MCC: variants seen among roughly 807,000 people sequenced by gnomAD.
MCC encodes MCC regulator of Wnt signaling pathway.
Under a neutral mutation model 116.2 loss-of-function variants are expected in MCC, and 90 were observed. That is an observed-to-expected ratio of 0.77 (90% confidence interval 0.65 to 0.92). MCC has a LOEUF of 0.92. Among genes scored for constraint, MCC ranks in the 40% least tolerant of loss-of-function variants. The probability of loss-of-function intolerance (pLI) is 0.00; values close to 1 mark genes in which losing one functional copy is unlikely to be tolerated. For missense variants in MCC, 1,516 were observed against 1,312.2 expected, an observed-to-expected ratio of 1.16 and a Z score of -2.40; for synonymous variants, 578 against 510.5, an observed-to-expected ratio of 1.13 and a Z score of -1.78.
At chr5:113,314,253 G>T (rs1767219346) in intron 3 of MCC, among the ~76,000 whole-genome samples, 1 of 152,134 alleles carries the variant, frequency 6.6e-6, no homozygotes, top group Non-Finnish European at 1.5e-5. Context: ...GCCTTTAATT[G>T]GAGTTTTAAA....
At chr5:113,203,960 G>T (rs1031934421) in intron 3 of MCC, among the ~76,000 whole-genome samples, 6 of 152,160 alleles carry the variant, frequency 3.9e-5, no homozygotes, top group African/African-American at 1.4e-4. Context: ...CAAATTTGAG[G>T]AGAGATGCCG....
chr5:113,257,857 G>C (rs547192801), intron 3 of MCC, among the ~76,000 whole-genome samples: 2 of 152,128 alleles, frequency 1.3e-5, no homozygotes, highest in Non-Finnish European at 2.9e-5. Context: ...AGGGGAAAGC[G>C]TTCTATCTAG....
At chr5:113,473,165 G>A (rs1772140218) in intron 1 of MCC, among the ~76,000 whole-genome samples, 1 of 152,122 alleles carries the variant, frequency 6.6e-6, no homozygotes, top group African/African-American at 2.4e-5. Context: ...GATAGCTTAT[G>A]AAAAGTAGAC....
intron 1 of MCC, among the ~76,000 whole-genome samples, chr5:113,479,965 C>G (rs144699732): frequency 2.0e-5 from 3 of 152,264 alleles, no homozygotes; most frequent in African/African-American, 4.8e-5. Flanking sequence ...ATGCTTATGT[C>G]ATGAGAATCT....
At chr5:113,085,887 G>A (rs560494923) in intron 8 of MCC, among the ~76,000 whole-genome samples, 9 of 152,194 alleles carry the variant, frequency 5.9e-5, no homozygotes, top group African/African-American at 1.4e-4. Flanking sequence ...ATAGAGTCTC[G>A]CTATGTTGCC....
chr5:113,244,551 A>G (rs2150340618), intron 3 of MCC, among the ~76,000 whole-genome samples: 1 of 152,340 alleles, frequency 6.6e-6, no homozygotes, highest in South Asian at 2.1e-4. Flanking sequence ...AACATTTCTA[A>G]ATACAACATT....
intron 11 of MCC, among the ~76,000 whole-genome samples, chr5:113,080,474 T>TA (rs1407721515): frequency 6.6e-6 from 1 of 152,000 alleles, no homozygotes; most frequent in Non-Finnish European, 1.5e-5. Flanking sequence ...TACTCAGCCA[T>TA]AAAAAAGGAT....
intron 2 of MCC, among the ~76,000 whole-genome samples, chr5:113,344,396 G>C (rs1391497788): frequency 6.6e-6 from 1 of 152,112 alleles, no homozygotes; most frequent in Admixed American, 6.5e-5. Flanking sequence ...AGATCCTAGT[G>C]CTGGGCTGGG....
Position 113,417,877 on chromosome 5 carries a change from G to C in MCC, c.171-32665C>G, listed in dbSNP as rs576092009. Among the ~76,000 whole-genome samples the C allele has an allele frequency of 8.6e-5, 13 of 151,868 alleles. No individual in the cohort carries two copies. In the South Asian group the frequency reaches 2.7e-3, roughly 32 times the overall value. ...GAGTCCGGGAGATCAAGGCTACAGT[G>C]AGCTGAGATAGTGCTACTGCACTCC... On this transcript the variant is annotated intron_variant, in intron 1 of 18. Transcript: ENST00000408903.
intron 1 of MCC, among the ~76,000 whole-genome samples, chr5:113,432,372 T>C (rs1219447609): frequency 6.6e-6 from 1 of 151,326 alleles, no homozygotes; most frequent in Non-Finnish European, 1.5e-5. Context: ...CTAACAGTGT[T>C]GGCTCGGAGC....
chr5:113,262,160 A>C (rs931282661), intron 3 of MCC, among the ~76,000 whole-genome samples: 1 of 152,122 alleles, frequency 6.6e-6, no homozygotes, highest in African/African-American at 2.4e-5. Flanking sequence ...CCCGAAACAA[A>C]TGCATCCTCT....
intron 6 of MCC, among the ~76,000 whole-genome samples, chr5:113,113,422 A>G (rs1192784439): frequency 6.6e-6 from 1 of 152,192 alleles, no homozygotes; most frequent in East Asian, 1.9e-4. Context: ...AGGGTTGAAC[A>G]CCAAAGAGAA....
At chr5:113,109,997 TC>T (rs1441417284) in intron 6 of MCC, among the ~76,000 whole-genome samples, 1 of 152,080 alleles carries the variant, frequency 6.6e-6, no homozygotes, top group Non-Finnish European at 1.5e-5. Flanking sequence ...CTTTTTTTTT[TC>T]TCCAGAGACA....
chr5:113,140,552 G>A (rs764648593), intron 5 of MCC, among the ~76,000 whole-genome samples: 1 of 152,196 alleles, frequency 6.6e-6, no homozygotes, highest in Admixed American at 6.5e-5. Flanking sequence ...AGGGATGGGA[G>A]TCTTTTAGGG....
rs1422784760 is a variant in MCC at position 113,348,262 on chromosome 5, A to G, written c.416-7532T>C. 3.3e-5 allele frequency among the ~76,000 whole-genome samples: 5 copies of G among 152,118 alleles called. No homozygotes were observed. In the East Asian group the frequency reaches 9.6e-4, roughly 29 times the overall value. On this transcript the variant is annotated intron_variant, in intron 2 of 18. Transcript: ENST00000408903. ...TTTCTTCAAGGTCTGTAGGATACAC[A>G]TTCTTCTCCTCAGCACACAGATCAT... is the stretch of plus-strand genomic sequence containing the variant.
chr5:113,203,745 T>C (rs1394178346), intron 3 of MCC, among the ~76,000 whole-genome samples: 1 of 152,216 alleles, frequency 6.6e-6, no homozygotes, highest in Non-Finnish European at 1.5e-5. Flanking sequence ...AAATAAAGGC[T>C]ACATGTGAAA....
intron 1 of MCC, among the ~76,000 whole-genome samples, chr5:113,487,897 T>C (rs1005688337): frequency 2.0e-5 from 3 of 152,166 alleles, no homozygotes; most frequent in Non-Finnish European, 4.4e-5. Context: ...CCCGAGGCTG[T>C]GGGGCAGCCC....
intron 1 of MCC, among the ~76,000 whole-genome samples, chr5:113,450,659 C>G (rs981967569): frequency 1.2e-4 from 19 of 152,152 alleles, no homozygotes; most frequent in African/African-American, 3.6e-4. Flanking sequence ...CTCTTTAGAG[C>G]TGATTTTGGA....
At chr5:113,437,738 A>G (rs532779497) in intron 1 of MCC, among the ~76,000 whole-genome samples, 34 of 152,280 alleles carry the variant, frequency 2.2e-4, no homozygotes, top group African/African-American at 7.7e-4. Flanking sequence ...GATTCTTTAG[A>G]TGCTTTAAAT....
Sources: gnomAD v4.1 joint callset for allele counts (sites outside exome capture counted in the v4.1 genomes callset) on GRCh38, gnomAD v4.1.1 for gene constraint, MANE v1.5 for transcripts, NCBI Gene and HGNC (gene_info 2026-07-23, HGNC 2026-07-21) for gene names.